The following GOLIM4 variants were observed in gnomAD, a reference collection of about 807,000 sequenced individuals.
GOLIM4 encodes golgi integral membrane protein 4.
Under a neutral mutation model 107.4 loss-of-function variants are expected in GOLIM4, and 71 were observed. The ratio of observed to expected loss-of-function variants is 0.66; its 90% CI spans 0.55 to 0.81. GOLIM4 has a LOEUF of 0.81. Among genes scored for constraint, GOLIM4 ranks in the 30% least tolerant of loss-of-function variants. The pLI, the probability that GOLIM4 is intolerant of heterozygous loss-of-function variation, is 0.00. For missense variants in GOLIM4, 830 were observed against 826.1 expected, an observed-to-expected ratio of 1.00 and a Z score of -0.06; for synonymous variants, 327 against 294.8, an observed-to-expected ratio of 1.11 and a Z score of -1.12.
intron 14 of GOLIM4, among the ~76,000 whole-genome samples, chr3:168,014,952 T>G (rs939237562): frequency 2.0e-5 from 3 of 150,356 alleles, no homozygotes; most frequent in African/African-American, 7.4e-5. Flanking sequence ...GGGCAAAAAC[T>G]GGAAGCATTC....
intron 14 of GOLIM4, 73 bp from the exon 15 acceptor site, chr3:168,010,896 T>A: frequency 9.8e-7 from 1 of 1,021,782 alleles, no homozygotes; most frequent in Non-Finnish European, 1.5e-6. Context: ...TTTGACACTG[T>A]TATCATTTAA....
In GOLIM4 at chr3:168,033,363, T is replaced by C. The variant is rs986762034; in HGVS notation, c.844-511A>G. The stretch of plus-strand genomic sequence containing the variant: ...GCTCACGCCTGTAATCCCAGCACTT[T>C]GGGAGGTCGAGGCGGGTGGATCACG... On this transcript the variant is annotated intron_variant, in intron 8 of 15. Transcript: ENST00000470487. 3.9e-5 allele frequency among the ~76,000 whole-genome samples: 6 copies of C among 151,922 alleles called. No homozygotes were observed. In the South Asian group the frequency reaches 6.2e-4, roughly 16 times the overall value.
At chr3:168,033,663 T>C (rs1294578759) in intron 8 of GOLIM4, among the ~76,000 whole-genome samples, 1 of 116,416 alleles carries the variant, frequency 8.6e-6, no homozygotes, top group Admixed American at 9.3e-5. Context: ...CTAATGAACA[T>C]CCATGTTAGT....
rs11914612 is a variant in GOLIM4, at chr3:168,067,568, A to T, written c.188-19203T>A. On this transcript the variant is annotated intron_variant, in intron 1 of 15. Transcript: ENST00000470487. ...ACTATCTTTTTACAAAAAAAAATAC[A>T]TGAGATAGAACGGCGTATTTTATTC... 6.1e-3 allele frequency among the ~76,000 whole-genome samples: 924 copies of T among 151,836 alleles called. 12 individuals carry two copies. Among genetic ancestry groups the T allele is most frequent in the African/African-American group, 0.021 (883 of 41,496 alleles).
chr3:168,040,869 G>T lies in GOLIM4; in HGVS notation c.601C>A (p.Gln201Lys). The T allele has an allele frequency of 2.5e-6, 4 of 1,605,060 alleles. No individual in the cohort carries two copies. Among genetic ancestry groups the T allele is most frequent in the Non-Finnish European group, 3.4e-6 (4 of 1,172,234 alleles). The change falls in exon 7 of 16, where the codon CAA becomes AAA. Residue 201 changes from glutamine (Q) to lysine (K), a missense_variant and splice_region_variant. By Grantham distance (53) the Gln-to-Lys change is moderately conservative. Coordinates refer to ENST00000470487, the MANE Select transcript of GOLIM4 (RefSeq NM_014498.5). The part of the protein sequence containing the change: ...DIHTQLQDVK[Q>K]QHKNLLSEHE... The stretch of plus-strand genomic sequence containing the variant: ...TCGGAGAGTAAATTCTTATGCTGTT[G>T]CTACACAAAAAAGAATTTTACATGT...
At chr3:168,060,038 G>C (rs936573846) in intron 1 of GOLIM4, among the ~76,000 whole-genome samples, 1 of 152,092 alleles carries the variant, frequency 6.6e-6, no homozygotes, top group Non-Finnish European at 1.5e-5. Context: ...AGAGTGCAAT[G>C]GTCACAGAGC....
In GOLIM4 at chr3:168,029,966, A is replaced by G; in HGVS notation, c.1247T>C (p.Leu416Pro). 1 of 1,614,192 alleles carries G rather than the reference A, an allele frequency of 6.2e-7. No individual in the cohort carries two copies. Among genetic ancestry groups the G allele is most frequent in the South Asian group, 1.1e-5 (1 of 91,078 alleles). The change falls in exon 10 of 16, where the codon CTG becomes CCG. Residue 416 changes from leucine to proline, a missense_variant. Transcript: ENST00000470487. ...GGCCTCCTCCACCTGCTGCACTGCC[A>G]GTCTCTGCTGTTCCAACTGTTCCTC... ...PYEEQLEQQR[L>P]AVQQVEEAQQ... is the part of the protein sequence containing the mutation.
intron 1 of GOLIM4, among the ~76,000 whole-genome samples, chr3:168,090,012 C>T (rs1246328155): frequency 6.6e-6 from 1 of 152,132 alleles, no homozygotes; most frequent in African/African-American, 2.4e-5. Context: ...AAGTGATCCA[C>T]CCGCCTCAGT....
chr3:168,042,856 C>G (rs1461667054), intron 5 of GOLIM4, among the ~76,000 whole-genome samples: 3 of 152,116 alleles, frequency 2.0e-5, no homozygotes, highest in Non-Finnish European at 2.9e-5. Flanking sequence ...CAATGAAGCC[C>G]ACAGTTGTCA....
chr3:168,068,946 C>T (rs1441420649), intron 1 of GOLIM4, among the ~76,000 whole-genome samples: 1 of 151,792 alleles, frequency 6.6e-6, no homozygotes, highest in African/African-American at 2.4e-5. Flanking sequence ...AAGCGATTCT[C>T]CTGCCTCAGC....
chr3:168,043,376 T>C lies in GOLIM4; in HGVS notation c.517+3A>G. On this transcript the variant is annotated splice_donor_region_variant and intron_variant, in intron 5 of 15. Transcript: ENST00000470487. Reference sequence around the variant, plus strand: ...TAAACTGGCTAATCAGATTTCCAAATACCTTTTAGCTTAGAAAGTTCTTGT... The same window carrying C: ...TAAACTGGCTAATCAGATTTCCAAACACCTTTTAGCTTAGAAAGTTCTTGT... The C allele has an allele frequency of 1.9e-6, 3 of 1,597,826 alleles. No individual in the cohort carries two copies. The South Asian group carries it at 3.4e-5, about 18-fold the overall frequency.
At chr3:168,087,637 CCTA>C (rs1721693348) in intron 1 of GOLIM4, among the ~76,000 whole-genome samples, 1 of 152,152 alleles carries the variant, frequency 6.6e-6, no homozygotes, top group African/African-American at 2.4e-5. Context: ...ACCCACCTAA[CCTA>C]CTTTCTTAAA....
Position 168,055,689 on chromosome 3 carries a change from C to T in GOLIM4, c.188-7324G>A, listed in dbSNP as rs1010444667. Among the ~76,000 whole-genome samples the T allele has an allele frequency of 7.2e-5, 11 of 151,954 alleles. No individual in the cohort carries two copies. In the South Asian group the frequency reaches 1.7e-3, roughly 23 times the overall value. ...TGATGGCAGGTACCTGTAGTCCCAG[C>T]TACTCGGGAGGCTGAGGCAGGAGAA... On this transcript the variant is annotated intron_variant, in intron 1 of 15. Transcript: ENST00000470487.
chr3:168,071,716 G>C (rs1720838480), intron 1 of GOLIM4, among the ~76,000 whole-genome samples: 1 of 151,850 alleles, frequency 6.6e-6, no homozygotes, highest in South Asian at 2.1e-4. Flanking sequence ...TGAGTCACAA[G>C]GGTGGGTAAC....
At chr3:168,032,944 T>A (rs959936837) in intron 8 of GOLIM4, 92 bp from the exon 9 acceptor site, 10 of 939,086 alleles carry the variant, frequency 1.1e-5, no homozygotes, top group Non-Finnish European at 1.5e-5. Context: ...GGCATGGGGC[T>A]ACAACAGAAG....
Position 168,029,786 on chromosome 3 carries a change from T to C in GOLIM4, c.1427A>G (p.Gln476Arg), listed in dbSNP as rs765918983. ...TAAGGAAGGGGAAGGCTACCGGAGC[T>C]GCTCCTGGTGCTGCGGCCGGCCCTC... ...LEEGRPQHQE[Q>R]LRQQAHYDAM... Residue 476 changes from glutamine (Q) to arginine (R), a missense_variant, in exon 10 of 16, where the codon CAG becomes CGG. Coordinates refer to ENST00000470487, the MANE Select transcript of GOLIM4 (RefSeq NM_014498.5). 2 of 1,613,364 alleles carry C rather than the reference T, an allele frequency of 1.2e-6. No individual in the cohort carries two copies. The highest frequency in any genetic ancestry group is 2.2e-5 in the South Asian group (2 of 91,038).
chr3:168,087,233 T>C lies in GOLIM4; in HGVS notation c.187+7866A>G, dbSNP rs1434297357. 2.0e-5 allele frequency among the ~76,000 whole-genome samples: 3 copies of C among 152,300 alleles called. No homozygotes were observed. The East Asian group carries it at 5.8e-4, about 29-fold the overall frequency. On this transcript the variant is annotated intron_variant, in intron 1 of 15. Transcript: ENST00000470487. ...ACTACTTTATAAATGAAAAATCTGA[T>C]TTACATAGCATTAATGATTGGTAAT...
intron 1 of GOLIM4, among the ~76,000 whole-genome samples, chr3:168,062,556 C>T (rs543965859): frequency 5.5e-4 from 84 of 152,060 alleles, no homozygotes; most frequent in Admixed American, 7.2e-4. Flanking sequence ...AATACCTAAC[C>T]GCATTAAACA....
chr3:168,057,105 C>T (rs745490174), intron 1 of GOLIM4, among the ~76,000 whole-genome samples: 18 of 152,028 alleles, frequency 1.2e-4, no homozygotes, highest in African/African-American at 2.2e-4. Context: ...GTTCTCATGA[C>T]GGTGAATAAG....
Sources: gnomAD v4.1 joint callset for allele counts (sites outside exome capture counted in the v4.1 genomes callset) on GRCh38, gnomAD v4.1.1 for gene constraint, MANE v1.5 for transcripts, NCBI Gene and HGNC (gene_info 2026-07-23, HGNC 2026-07-21) for gene names.